NAB1: variants seen among roughly 807,000 people sequenced by gnomAD.
NAB1 encodes the protein NGFI-A-binding protein 1.
NAB1 carries 25 observed loss-of-function variants against 49.9 expected under a neutral mutation model. That is an observed-to-expected ratio of 0.50 (90% CI 0.37 to 0.70). NAB1 has a LOEUF of 0.70. Among genes scored for constraint, NAB1 ranks in the 30% least tolerant of loss-of-function variants. The pLI is 0.00. For synonymous variants in NAB1, 198 were observed against 215.6 expected (o/e 0.92, Z 0.71); for missense variants, 489 against 575.9 (o/e 0.85, Z 1.54).
At position 190,670,777 on chromosome 2, in the gene NAB1, C is replaced by T. The variant is rs929756696; in HGVS notation, c.953+318C>T. Among the ~76,000 whole-genome samples the T allele has an allele frequency of 7.9e-5, 12 of 152,220 alleles. No homozygotes were observed. The highest frequency in any genetic ancestry group is 2.1e-4 in the South Asian group (1 of 4,820). On this transcript the variant is annotated intron_variant, in intron 5 of 9. Coordinates refer to ENST00000337386, the MANE Select transcript of NAB1 (RefSeq NM_005966.4). The surrounding 1 kb of genome is among the most constrained non-coding windows in gnomAD (Gnocchi z 5.3). The stretch of plus-strand genomic sequence containing the variant: ...GATTTAGTCAGACAGCATTTATAGA[C>T]GTATTTGTACACCCGCTAACTACGT...
chr2:190,665,240 G>A (rs535469573), intron 4 of NAB1, among the ~76,000 whole-genome samples: 3 of 151,506 alleles, frequency 2.0e-5, no homozygotes, highest in African/African-American at 4.8e-5. Flanking sequence ...GGAGAATGGC[G>A]TGAACCTGGG....
intron 2 of NAB1, among the ~76,000 whole-genome samples, chr2:190,650,878 T>C (rs1462307793): frequency 6.6e-6 from 1 of 152,238 alleles, no homozygotes; most frequent in Non-Finnish European, 1.5e-5. Flanking sequence ...GTCAGCCTTT[T>C]TTATCCCTGA....
rs1448626859 is a variant in NAB1, at chr2:190,659,615, G to C, written c.439G>C (p.Val147Leu). The C allele has an allele frequency of 6.2e-7, 1 of 1,614,214 alleles. No individual in the cohort carries two copies. The highest frequency in any genetic ancestry group is 8.5e-7 in the Non-Finnish European group (1 of 1,180,046). ...CTTGGGACAGGGGAAGTCAGATGTG[G>C]TTGGGAGCCTAGCACTGCAGAGTGT... ...QSLGQGKSDV[V>L]GSLALQSVGE... Residue 147 changes from valine to leucine, a missense_variant, in exon 4 of 10, where the codon GTT becomes CTT. Val to Leu is a conservative substitution (Grantham distance 32). Around this residue, in one of 4 missense-constraint regions of NAB1, gnomAD observed 204 missense variants for 220.9 expected, o/e 0.92. Coordinates refer to ENST00000337386, the MANE Select transcript of NAB1 (RefSeq NM_005966.4). This position sits in a 1 kb window ranked among gnomAD's most constrained non-coding sequence, Gnocchi z 6.2.
chr2:190,672,530 G>A (rs1420335416), intron 5 of NAB1, among the ~76,000 whole-genome samples: 1 of 152,124 alleles, frequency 6.6e-6, no homozygotes, highest in Non-Finnish European at 1.5e-5. Flanking sequence ...TGTAGTTTCT[G>A]TAGATAGACA....
rs1401785504 is a variant in NAB1 at position 190,686,495 on chromosome 2, A to G, written c.1259-706A>G. On this transcript the variant is annotated intron_variant, in intron 8 of 9. Coordinates refer to ENST00000337386, the MANE Select transcript of NAB1 (RefSeq NM_005966.4). This position sits in a 1 kb window ranked among gnomAD's most constrained non-coding sequence, Gnocchi z 5.5. Reference sequence around the variant, plus strand: ...ACAAGGATTCTCCAGCCATGGACTGAAATATTACATGTGTCAACACATCAG... The same window carrying G: ...ACAAGGATTCTCCAGCCATGGACTGGAATATTACATGTGTCAACACATCAG... Among the ~76,000 whole-genome samples, 1 of 152,246 alleles carries G rather than the reference A, an allele frequency of 6.6e-6. No individual in the cohort carries two copies. The highest frequency in any genetic ancestry group is 6.5e-5 in the Admixed American group (1 of 15,280).
At chr2:190,655,662 A>G (rs13423650) in intron 2 of NAB1, among the ~76,000 whole-genome samples, 2,723 of 152,176 alleles carry the variant, frequency 0.018, 88 homozygotes, top group African/African-American at 0.061. Context: ...CTCTAGTGAC[A>G]ATTAAAGCCC....
intron 4 of NAB1, among the ~76,000 whole-genome samples, chr2:190,661,692 A>G (rs1694236526): frequency 6.6e-6 from 1 of 152,230 alleles, no homozygotes. Context: ...TGATGAGACC[A>G]TGAATTTCAC....
Position 190,673,103 on chromosome 2 carries a change from C to A in NAB1, c.956C>A (p.Ser319Ter). 2 of 1,597,338 alleles carry A rather than the reference C, an allele frequency of 1.3e-6. No homozygotes were observed. Among genetic ancestry groups the A allele is most frequent in the South Asian group, 2.2e-5 (2 of 90,174 alleles). Residue 319 changes from serine to a stop codon, truncating the protein, a stop_gained and splice_region_variant, in exon 6 of 10, where the codon TCA (serine) becomes TAA (stop). Coordinates refer to ENST00000337386, the MANE Select transcript of NAB1 (RefSeq NM_005966.4). LOFTEE classifies it high-confidence loss of function. Reference sequence around the variant, plus strand: ...TTTTTCTCTCCCCTTTCCCTTAGGTCAAAATGTGGAGAAAGAGATGAATTA... The same window carrying A: ...TTTTTCTCTCCCCTTTCCCTTAGGTAAAAATGTGGAGAAAGAGATGAATTA... ...TYKYTYRTTK[S>*]KCGERDELSP...
chr2:190,655,157 GACAAA>G (rs1179336025), intron 2 of NAB1, among the ~76,000 whole-genome samples: 2 of 152,190 alleles, frequency 1.3e-5, no homozygotes, highest in African/African-American at 2.4e-5. Context: ...TACATGTAAA[GACAAA>G]ACAAAAATTC....
chr2:190,681,332 T>C (rs1442336868), intron 6 of NAB1, among the ~76,000 whole-genome samples: 1 of 152,254 alleles, frequency 6.6e-6, no homozygotes, highest in Non-Finnish European at 1.5e-5. Flanking sequence ...TTGTTCTAAC[T>C]CTTCTACTAG....
Position 190,673,170 on chromosome 2 carries a change from A to C in NAB1, c.1005+18A>C. ...AAGTGGAGGTATGGTCATATGTTACATTTTCTTATGCTGATAATGTTTGCT... is the reference window on the plus strand; with the variant it reads ...AAGTGGAGGTATGGTCATATGTTACCTTTTCTTATGCTGATAATGTTTGCT... On this transcript the variant is annotated intron_variant, in intron 6 of 9. Coordinates refer to ENST00000337386, the MANE Select transcript of NAB1 (RefSeq NM_005966.4). The C allele has an allele frequency of 6.2e-7, 1 of 1,607,562 alleles. No homozygotes were observed. Among genetic ancestry groups the C allele is most frequent in the Non-Finnish European group, 8.5e-7 (1 of 1,175,972 alleles).
At chr2:190,681,659 G>A (rs1695351772) in intron 6 of NAB1, among the ~76,000 whole-genome samples, 1 of 152,178 alleles carries the variant, frequency 6.6e-6, no homozygotes, top group Non-Finnish European at 1.5e-5. Flanking sequence ...AAGACGTTAA[G>A]TTTATTAGCT....
In NAB1 at chr2:190,649,190, G is replaced by C. The variant is rs1192632677; in HGVS notation, c.-504G>C. 1 of 150,786 alleles carries C rather than the reference G, an allele frequency of 6.6e-6. No homozygotes were observed. The highest frequency in any genetic ancestry group is 2.0e-4 in the East Asian group (1 of 5,088). The allele number at this position is 150,786 out of a possible 1,614,324, so 9.3% of individuals were successfully genotyped here. ...GGAAGAAGCGGCGGGCCCGAGGTGG[G>C]GGGGAGCAGAGAGAGCGCGCCCACC... On this transcript the variant is annotated 5_prime_UTR_variant, in exon 1 of 10. Transcript: ENST00000337386. The surrounding 1 kb of genome is among the most constrained non-coding windows in gnomAD (Gnocchi z 6.1).
chr2:190,659,476 A>G lies in NAB1; in HGVS notation c.300A>G (p.Pro100=), dbSNP rs778763073. Residue 100 remains proline (P), a synonymous_variant, in exon 4 of 10, where the codon CCA becomes CCG. Coordinates refer to ENST00000337386, the MANE Select transcript of NAB1 (RefSeq NM_005966.4). The surrounding 1 kb of genome is among the most constrained non-coding windows in gnomAD (Gnocchi z 6.2). ...PVSSIPIYKL[P]EGSPTWLGIS... Reference sequence around the variant, plus strand: ...GTAGCATACCCATCTATAAATTACCAGAGGGATCACCAACATGGCTGGGAA... The same window carrying G: ...GTAGCATACCCATCTATAAATTACCGGAGGGATCACCAACATGGCTGGGAA... 1 of 1,614,216 alleles carries G rather than the reference A, an allele frequency of 6.2e-7. No individual in the cohort carries two copies. Among genetic ancestry groups the G allele is most frequent in the Non-Finnish European group, 8.5e-7 (1 of 1,180,028 alleles).
Position 190,651,974 on chromosome 2 carries a change from GC to G in NAB1, c.-197+1993del, listed in dbSNP as rs1338419748. Among the ~76,000 whole-genome samples the G allele has an allele frequency of 1.3e-5, 2 of 152,070 alleles. No homozygotes were observed. The highest frequency in any genetic ancestry group is 4.8e-5 in the African/African-American group (2 of 41,392). On this transcript the variant is annotated intron_variant, in intron 2 of 9. Transcript: ENST00000337386. The surrounding 1 kb of genome is among the most constrained non-coding windows in gnomAD (Gnocchi z 4.3). ...CTTTGGATTTATTTTTATCTTACCT[GC>G]TTCTTTTATCCTTTTCAACAGTAGA...
intron 6 of NAB1, among the ~76,000 whole-genome samples, chr2:190,681,553 T>C (rs1280204912): frequency 1.3e-5 from 2 of 152,264 alleles, no homozygotes; most frequent in African/African-American, 4.8e-5. Context: ...TACACATCTG[T>C]GAGCCAACAT....
intron 6 of NAB1, among the ~76,000 whole-genome samples, chr2:190,683,356 G>A (rs1227060501): frequency 7.2e-6 from 1 of 138,182 alleles, no homozygotes; most frequent in Non-Finnish European, 1.5e-5. Context: ...ATATTGGACA[G>A]GCTGGTCTCG....
Position 190,674,058 on chromosome 2 carries a change from C to T in NAB1, c.1005+906C>T, listed in dbSNP as rs967746377. ...AAATTTCTGTCATCAGTTATATCTA[C>T]AGAGTATCTATATGGCAGTAATCCT... On this transcript the variant is annotated intron_variant, in intron 6 of 9. Transcript: ENST00000337386. The surrounding 1 kb of genome is among the most constrained non-coding windows in gnomAD (Gnocchi z 5.7). 6.6e-6 allele frequency among the ~76,000 whole-genome samples: 1 copy of T among 152,180 alleles called. No individual in the cohort carries two copies. Among genetic ancestry groups the T allele is most frequent in the Non-Finnish European group, 1.5e-5 (1 of 68,028 alleles).
Position 190,680,989 on chromosome 2 carries a change from A to C in NAB1, c.1006-2749A>C, listed in dbSNP as rs528469947. ...TATAGATGAGAAAATAGACACAGAG[A>C]GATGAAATAATCTACCCAGTATCAC... On this transcript the variant is annotated intron_variant, in intron 6 of 9. Coordinates refer to ENST00000337386, the MANE Select transcript of NAB1 (RefSeq NM_005966.4). This position sits in a 1 kb window ranked among gnomAD's most constrained non-coding sequence, Gnocchi z 5.2. Among the ~76,000 whole-genome samples the C allele has an allele frequency of 6.6e-6, 1 of 152,358 alleles. No homozygotes were observed. The highest frequency in any genetic ancestry group is 6.5e-5 in the Admixed American group (1 of 15,310).
Sources: gnomAD v4.1 joint callset for allele counts (sites outside exome capture counted in the v4.1 genomes callset) on GRCh38, gnomAD v4.1.1 for gene constraint, gnomAD v4.1.1 regional missense constraint, Gnocchi (gnomAD v3.1) non-coding constraint, MANE v1.5 for transcripts, NCBI Gene and HGNC (gene_info 2026-07-23, HGNC 2026-07-21) for gene names.